The following KLRB1 variants were observed in gnomAD, a reference collection of about 807,000 sequenced individuals.
KLRB1 encodes killer cell lectin-like receptor subfamily B member 1.
KLRB1 carries 27 observed loss-of-function variants against 33.5 expected under a neutral mutation model. The observed-to-expected ratio is 0.81, with a 90% CI of 0.59 to 1.11. The LOEUF (loss-of-function observed/expected upper bound fraction) is 1.11, where lower values mean the gene tolerates loss of function less well. KLRB1 is among the 50% of genes most tolerant of loss of function. KLRB1 has a pLI of 0.00. For missense variants in KLRB1, 241 were observed against 254.1 expected (o/e 0.95, Z 0.35); for synonymous variants, 64 against 88.9 (o/e 0.72, Z 1.58).
chr12:9,598,265 C>T lies in KLRB1; in HGVS notation c.415-104G>A, dbSNP rs554021213. ...CTCATCTCTGAAGTCTTTCCTAACT[C>T]GTCGTCAGCATTAATTATTCCTTCT... On this transcript the variant is annotated intron_variant, in intron 4 of 5. Coordinates refer to ENST00000229402, the MANE Select transcript of KLRB1 (RefSeq NM_002258.3). The T allele has an allele frequency of 4.1e-5, 33 of 804,038 alleles. No homozygotes were observed. The East Asian group carries it at 4.5e-4, about 11-fold the overall frequency. 49.8% of individuals were successfully genotyped at this position (804,038 alleles called of 1,614,324 possible).
chr12:9,601,175 C>T (rs1448260053), intron 2 of KLRB1, among the ~76,000 whole-genome samples: 4 of 149,208 alleles, frequency 2.7e-5, no homozygotes, highest in Admixed American at 1.4e-4. Flanking sequence ...CCTTTGTTCA[C>T]GTGTTTGTCT....
chr12:9,598,224 C>T, intron 4 of KLRB1, 63 bp from the exon 5 acceptor site: 1 of 1,049,700 alleles, frequency 9.5e-7, no homozygotes, highest in South Asian at 1.3e-5. Flanking sequence ...CCCCTAAAAC[C>T]TAGTTCAAGC....
Position 9,601,431 on chromosome 12 carries a change from C to A in KLRB1, c.184+70G>T, listed in dbSNP as rs1446703813. 19 of 1,196,982 alleles carry A rather than the reference C, an allele frequency of 1.6e-5. No individual in the cohort carries two copies. In the East Asian group the frequency reaches 4.2e-4, roughly 27 times the overall value. 74.1% of individuals were successfully genotyped at this position (1,196,982 alleles called of 1,614,324 possible). A position where few individuals can be genotyped will look rare whatever the true frequency, so the allele number is the denominator to read the frequency against. On this transcript the variant is annotated intron_variant, in intron 2 of 5. Coordinates refer to ENST00000229402, the MANE Select transcript of KLRB1 (RefSeq NM_002258.3). Reference sequence around the variant, plus strand: ...GGTGTGTAGGGGCAACCCACCCCTACAGAGATGCTCTAAGATACGTAATGG... The same window carrying A: ...GGTGTGTAGGGGCAACCCACCCCTAAAGAGATGCTCTAAGATACGTAATGG...
At position 9,598,040 on chromosome 12, in the gene KLRB1, A is replaced by T; in HGVS notation, c.530+6T>A. On this transcript the variant is annotated splice_donor_region_variant and intron_variant, in intron 5 of 5. Transcript: ENST00000229402. ...GAATATTAAAGTTAGCTCATCTAAT[A>T]CTCACTCATTAGAATTTAAAAAAGA... 8.1e-7 allele frequency: 1 copy of T among 1,233,504 alleles called. No homozygotes were observed. The highest frequency in any genetic ancestry group is 1.2e-6 in the Non-Finnish European group (1 of 847,370). The allele number at this position is 1,233,504 out of a possible 1,614,324, so 76.4% of individuals were successfully genotyped here.
intron 1 of KLRB1, 92 bp from the exon 2 acceptor site, chr12:9,601,691 G>A (rs1864545011): frequency 3.8e-6 from 3 of 785,316 alleles, no homozygotes; most frequent in Non-Finnish European, 6.5e-6. Flanking sequence ...GCACAAAAAT[G>A]TACTTGGGAT....
At chr12:9,604,197 A>G (rs1046369481) in intron 1 of KLRB1, among the ~76,000 whole-genome samples, 1 of 152,182 alleles carries the variant, frequency 6.6e-6, no homozygotes, top group Non-Finnish European at 1.5e-5. Flanking sequence ...ATGAATCACT[A>G]CAGGGGTCCG....
intron 2 of KLRB1, among the ~76,000 whole-genome samples, chr12:9,600,993 C>T (rs1404715236): frequency 1.4e-4 from 20 of 146,632 alleles, no homozygotes; most frequent in African/African-American, 4.5e-4. Flanking sequence ...TGGAATGTCT[C>T]GGTATAAAAC....
intron 1 of KLRB1, 107 bp from the exon 2 acceptor site, chr12:9,601,706 T>C: frequency 1.4e-6 from 1 of 689,854 alleles, no homozygotes; most frequent in Non-Finnish European, 2.6e-6. Flanking sequence ...TGGGATAACA[T>C]AGGGACAATT....
intron 1 of KLRB1, among the ~76,000 whole-genome samples, chr12:9,603,968 T>C (rs1261256730): frequency 6.6e-6 from 1 of 152,114 alleles, no homozygotes; most frequent in Non-Finnish European, 1.5e-5. Context: ...GCACAGTGTC[T>C]GGCACATGGT....
intron 1 of KLRB1, among the ~76,000 whole-genome samples, chr12:9,603,665 A>G (rs889684727): frequency 1.3e-5 from 2 of 149,420 alleles, no homozygotes; most frequent in Non-Finnish European, 3.0e-5. Flanking sequence ...CGAACTCCCA[A>G]CCTCAGGTGA....
At chr12:9,595,568 T>A in intron 5 of KLRB1, 147 bp from the exon 6 acceptor site, 1 of 721,260 alleles carries the variant, frequency 1.4e-6, no homozygotes, top group Non-Finnish European at 2.3e-6. Flanking sequence ...TATAATGGTA[T>A]GAACTTTTAA....
intron 1 of KLRB1, among the ~76,000 whole-genome samples, chr12:9,604,085 T>C (rs963643973): frequency 7.2e-5 from 11 of 152,014 alleles, no homozygotes; most frequent in Admixed American, 4.6e-4. Context: ...TCATTCATGC[T>C]AAAATGTAAG....
chr12:9,602,688 A>G (rs1487403602), intron 1 of KLRB1, among the ~76,000 whole-genome samples: 3 of 152,034 alleles, frequency 2.0e-5, no homozygotes, highest in Non-Finnish European at 4.4e-5. Context: ...AGGCTTTCTA[A>G]TTTATCTGAA....
chr12:9,599,490 C>A (rs1437332511), intron 3 of KLRB1, among the ~76,000 whole-genome samples: 1 of 152,168 alleles, frequency 6.6e-6, no homozygotes, highest in Non-Finnish European at 1.5e-5. Flanking sequence ...AGTGGAGTAT[C>A]CTAGCAGAGG....
chr12:9,607,335 C>CTTTCTTCCTTCCTTT lies in KLRB1; in HGVS notation c.85+419_85+420insAAAGGAAGGAAGAAA, dbSNP rs1491505010. On this transcript the variant is annotated intron_variant, in intron 1 of 5. Coordinates refer to ENST00000229402, the MANE Select transcript of KLRB1 (RefSeq NM_002258.3). The stretch of plus-strand genomic sequence containing the variant: ...TTTCTTCTTTTCTTTCTCTTTCTTT[C>CTTTCTTCCTTCCTTT]CTTTCTTTCTTTCTTTCTTCCTTTC... Among the ~76,000 whole-genome samples the CTTTCTTCCTTCCTTT allele has an allele frequency of 7.4e-4, 48 of 65,248 alleles. 1 individual carries two copies. Among genetic ancestry groups the CTTTCTTCCTTCCTTT allele is most frequent in the South Asian group, 3.4e-3 (4 of 1,176 alleles). 42.8% of individuals were successfully genotyped at this position (65,248 alleles called of 152,430 possible).
intron 1 of KLRB1, among the ~76,000 whole-genome samples, chr12:9,603,118 G>A (rs993703657): frequency 6.6e-6 from 1 of 152,166 alleles, no homozygotes; most frequent in Admixed American, 6.5e-5. Context: ...CAGTGGAGGG[G>A]GGCAGGGAGG....
chr12:9,602,260 A>T (rs746182776), intron 1 of KLRB1, among the ~76,000 whole-genome samples: 30 of 152,220 alleles, frequency 2.0e-4, no homozygotes, highest in Non-Finnish European at 4.0e-4. Flanking sequence ...CAAGTGTCAG[A>T]TATCTCTGCT....
chr12:9,607,362 T>TTC (rs1491521662), intron 1 of KLRB1, among the ~76,000 whole-genome samples: 11 of 78,884 alleles, frequency 1.4e-4, no homozygotes, highest in African/African-American at 4.2e-4. Context: ...CTTCCTTTCT[T>TTC]TCTTTCTTTC....
rs1369820602 is a variant in KLRB1 at position 9,594,701 on chromosome 12, G to A, written c.*573C>T. 4 of 152,170 alleles carry A rather than the reference G, an allele frequency of 2.6e-5. No homozygotes were observed. The highest frequency in any genetic ancestry group is 4.4e-5 in the Non-Finnish European group (3 of 68,050). 9.4% of individuals were successfully genotyped at this position (152,170 alleles called of 1,614,324 possible). A position where few individuals can be genotyped will look rare whatever the true frequency, so the allele number is the denominator to read the frequency against. On this transcript the variant is annotated 3_prime_UTR_variant, in exon 6 of 6. Coordinates refer to ENST00000229402, the MANE Select transcript of KLRB1 (RefSeq NM_002258.3). ...ATTTGAAAAGAAATGACAGGATGAAGAAAAGCTGGCTAGGGGCAATAAATT... is the reference window on the plus strand; with the variant it reads ...ATTTGAAAAGAAATGACAGGATGAAAAAAAGCTGGCTAGGGGCAATAAATT...
Sources: allele counts gnomAD v4.1 joint callset (sites outside exome capture counted in the v4.1 genomes callset), GRCh38; gene constraint gnomAD v4.1.1; transcripts MANE v1.5; gene names NCBI Gene and HGNC (gene_info 2026-07-23, HGNC 2026-07-21).